The following UGT1A9 variants were observed in gnomAD, a reference collection of about 807,000 sequenced individuals.
UGT1A9 encodes the protein UDP-glucuronosyltransferase 1A9.
Under a neutral mutation model 45.0 loss-of-function variants are expected in UGT1A9, and 35 were observed. The ratio of observed to expected loss-of-function variants is 0.78; its 90% CI spans 0.59 to 1.03. The LOEUF (loss-of-function observed/expected upper bound fraction) is 1.03, where lower values mean the gene tolerates loss of function less well. Among genes scored for constraint, UGT1A9 ranks in the 50% least tolerant of loss-of-function variants. The probability of loss-of-function intolerance (pLI) is 0.00; values close to 1 mark genes in which losing one functional copy is unlikely to be tolerated. For missense variants in UGT1A9, 687 were observed against 666.6 expected (o/e 1.03, Z -0.34); for synonymous variants, 278 against 250.6 (o/e 1.11, Z -1.03).
chr2:233,747,691 T>A, intron 1 of UGT1A9: 3 of 1,611,090 alleles, frequency 1.9e-6, no homozygotes, highest in Non-Finnish European at 2.5e-6. Context: ...TGTGGGGCAG[T>A]GCTGGCTAAG....
intron 1 of UGT1A9, among the ~76,000 whole-genome samples, chr2:233,731,288 T>C (rs1332920122): frequency 3.9e-5 from 6 of 151,912 alleles, no homozygotes; most frequent in Non-Finnish European, 5.9e-5. Context: ...TTCTTTCTTT[T>C]TTTTTTTTTT....
intron 1 of UGT1A9, among the ~76,000 whole-genome samples, chr2:233,696,207 T>C (rs1053095318): frequency 6.6e-6 from 1 of 152,240 alleles, no homozygotes; most frequent in Non-Finnish European, 1.5e-5. Context: ...ATGTTTATTA[T>C]AGCACTATTC....
intron 1 of UGT1A9, chr2:233,690,557 C>A: frequency 7.8e-7 from 1 of 1,289,654 alleles, no homozygotes; most frequent in South Asian, 1.2e-5. Context: ...ATGTCCCAAG[C>A]CTGAGTCATT....
intron 1 of UGT1A9, among the ~76,000 whole-genome samples, chr2:233,710,091 T>C (rs1192264751): frequency 6.6e-6 from 1 of 152,250 alleles, no homozygotes; most frequent in Admixed American, 6.5e-5. Context: ...CATTGTTGCA[T>C]GTATCAATAT....
At chr2:233,768,582 C>CTTTTTTTTTTTTT (rs139595073) in intron 4 of UGT1A9, 143 bp downstream of exon 4, 1 of 867,188 alleles carries the variant, frequency 1.2e-6, no homozygotes, top group Non-Finnish European at 1.4e-6. Context: ...TTTATTTCTT[C>CTTTTTTTTTTTTT]TTTTTTTTTT....
chr2:233,719,347 T>C, intron 1 of UGT1A9: 1 of 1,613,896 alleles, frequency 6.2e-7, no homozygotes, highest in Non-Finnish European at 8.5e-7. Flanking sequence ...TGGAGGTACA[T>C]TCCATGTGAC....
intron 1 of UGT1A9, chr2:233,712,962 G>C: frequency 6.2e-7 from 1 of 1,612,880 alleles, no homozygotes; most frequent in Non-Finnish European, 8.5e-7. Flanking sequence ...ACGTGGGGTG[G>C]ACAGTCAGCT....
At chr2:233,725,046 G>C in intron 1 of UGT1A9, among the ~76,000 whole-genome samples, 1 of 147,958 alleles carries the variant, frequency 6.8e-6, no homozygotes, top group Non-Finnish European at 1.5e-5. Flanking sequence ...AACCAGTCAG[G>C]CGTGGCGGCG....
intron 1 of UGT1A9, among the ~76,000 whole-genome samples, chr2:233,674,757 C>G (rs1221970573): frequency 6.6e-6 from 1 of 152,126 alleles, no homozygotes; most frequent in East Asian, 1.9e-4. Context: ...GTATTTATGA[C>G]TATACGTGTA....
At chr2:233,706,339 C>T (rs1257553427) in intron 1 of UGT1A9, among the ~76,000 whole-genome samples, 2 of 152,090 alleles carry the variant, frequency 1.3e-5, no homozygotes, top group Admixed American at 6.5e-5. Context: ...AGCTGGTGAC[C>T]CTGAAAAAAC....
rs796311461 is a variant in UGT1A9, at chr2:233,672,011, G to A, written c.77G>A (p.Gly26Glu). The change falls in exon 1 of 5, where the codon GGG becomes GAG. Residue 26 changes from glycine to glutamate, a missense_variant. Transcript: ENST00000354728. ...LLLTCGFAEA[G>E]KLLVVPMDGS... ...CTGACCTGTGGCTTTGCCGAGGCAG[G>A]GAAGCTACTGGTAGTGCCCATGGAT... 1.2e-6 allele frequency: 2 copies of A among 1,614,010 alleles called. No individual in the cohort carries two copies. The highest frequency in any genetic ancestry group is 1.1e-5 in the South Asian group (1 of 91,086).
chr2:233,683,152 A>T (rs1156780425), intron 1 of UGT1A9, among the ~76,000 whole-genome samples: 2 of 152,106 alleles, frequency 1.3e-5, no homozygotes, highest in East Asian at 3.8e-4. Flanking sequence ...ATTGTTTTCA[A>T]TTTTTTTGAA....
chr2:233,708,218 A>G (rs2125610578), intron 1 of UGT1A9, among the ~76,000 whole-genome samples: 1 of 152,314 alleles, frequency 6.6e-6, no homozygotes, highest in South Asian at 2.1e-4. Flanking sequence ...TTAACAATTT[A>G]TTCTTCCCTT....
At chr2:233,724,328 G>T (rs1446487590) in intron 1 of UGT1A9, among the ~76,000 whole-genome samples, 9 of 147,968 alleles carry the variant, frequency 6.1e-5, no homozygotes, top group South Asian at 2.3e-4. Context: ...CGGCTGGCCA[G>T]GCGGGGGGCT....
intron 1 of UGT1A9, among the ~76,000 whole-genome samples, chr2:233,724,119 G>A (rs1327289956): frequency 1.4e-4 from 15 of 110,060 alleles, no homozygotes; most frequent in South Asian, 3.2e-4. Context: ...GGGCAGAGGC[G>A]CCCCTCACCT....
At chr2:233,681,188 G>A (rs536294260) in intron 1 of UGT1A9, among the ~76,000 whole-genome samples, 18 of 151,912 alleles carry the variant, frequency 1.2e-4, no homozygotes, top group South Asian at 8.3e-4. Flanking sequence ...CTCTCTTTCC[G>A]TCGAACATGA....
At position 233,772,663 on chromosome 2, in the gene UGT1A9, A is replaced by G. The variant is rs1700540831; in HGVS notation, c.*104A>G. The G allele has an allele frequency of 5.2e-6, 8 of 1,539,906 alleles. No homozygotes were observed. Among genetic ancestry groups the G allele is most frequent in the Non-Finnish European group, 7.0e-6 (8 of 1,144,332 alleles). On this transcript the variant is annotated 3_prime_UTR_variant, in exon 5 of 5. Coordinates refer to ENST00000354728, the MANE Select transcript of UGT1A9 (RefSeq NM_021027.3). Reference sequence around the variant, plus strand: ...TTCATTTTATTCTTATTAAGGAAATACTTTGCATAAATTAATCAGCCCCAG... The same window carrying G: ...TTCATTTTATTCTTATTAAGGAAATGCTTTGCATAAATTAATCAGCCCCAG...
chr2:233,693,313 AT>A, intron 1 of UGT1A9: 1 of 1,614,218 alleles, frequency 6.2e-7, no homozygotes, highest in Non-Finnish European at 8.5e-7. Context: ...CTGAGCGATC[AT>A]TCCTAACTGC....
intron 4 of UGT1A9, 146 bp from the exon 5 acceptor site, chr2:233,772,116 A>AAAC (rs1252124628): frequency 7.8e-6 from 12 of 1,531,304 alleles, no homozygotes; most frequent in South Asian, 4.9e-5. Context: ...CTGTATCTAA[A>AAAC]AACAACAACA....
Sources: allele counts gnomAD v4.1 joint callset (sites outside exome capture counted in the v4.1 genomes callset), GRCh38; gene constraint gnomAD v4.1.1; transcripts MANE v1.5; gene names NCBI Gene and HGNC (gene_info 2026-07-23, HGNC 2026-07-21).